The following FRMD3 variants were observed in gnomAD, a reference collection of about 807,000 sequenced individuals.
FRMD3 encodes the protein FERM domain containing 3.
In FRMD3, 33 loss-of-function variants were observed where a neutral mutation model predicts 70.2. The ratio of observed to expected loss-of-function variants is 0.47; its 90% CI spans 0.36 to 0.63. The LOEUF is 0.63. Ranked by LOEUF, FRMD3 falls within the 20% of genes least tolerant of loss-of-function variation. The probability of loss-of-function intolerance (pLI) is 0.00; values close to 1 mark genes in which losing one functional copy is unlikely to be tolerated. For missense variants in FRMD3, 632 were observed against 711.4 expected (o/e 0.89, Z 1.27); for synonymous variants, 279 against 255.9 (o/e 1.09, Z -0.86).
intron 1 of FRMD3, among the ~76,000 whole-genome samples, chr9:83,420,052 T>C (rs1440648601): frequency 1.3e-5 from 2 of 152,182 alleles, no homozygotes; most frequent in African/African-American, 4.8e-5. Flanking sequence ...TTTTTCTTTA[T>C]AAAACAGACA....
chr9:83,313,228 AAT>A (rs1176713014), intron 7 of FRMD3, among the ~76,000 whole-genome samples: 2 of 152,346 alleles, frequency 1.3e-5, no homozygotes, highest in African/African-American at 4.8e-5. Flanking sequence ...AACACTGTCA[AAT>A]ATGAGTAAAG....
the FRMD3 span, among the ~76,000 whole-genome samples, chr9:83,546,172 C>T: frequency 3.3e-5 from 5 of 151,730 alleles, no homozygotes; most frequent in African/African-American, 1.2e-4. Flanking sequence ...GCCTGGACAA[C>T]ATTGTGAAAT....
the FRMD3 span, among the ~76,000 whole-genome samples, chr9:83,550,085 T>G: frequency 0.14 from 21,833 of 152,192 alleles, 1,603 homozygotes; most frequent in South Asian, 0.18. Context: ...AGTTTTGGGT[T>G]TTACATTTAA....
Position 83,537,943 on chromosome 9 carries a change from G to T in FRMD3, c.147+142C>A. On this transcript the variant is annotated intron_variant, in intron 1 of 13. Transcript: ENST00000304195. The surrounding 1 kb of genome is among the most constrained non-coding windows in gnomAD (Gnocchi z 4.1). The stretch of plus-strand genomic sequence containing the variant: ...AGGATAAGGCCCCCCACCCTCAGAG[G>T]CCTGAGGAATCGAAATCTGGCTTTC... 2.2e-6 allele frequency: 2 copies of T among 914,586 alleles called. No individual in the cohort carries two copies. The highest frequency in any genetic ancestry group is 3.3e-6 in the Non-Finnish European group (2 of 612,638). 56.7% of individuals were successfully genotyped at this position (914,586 alleles called of 1,614,324 possible).
intron 1 of FRMD3, among the ~76,000 whole-genome samples, chr9:83,476,423 T>A (rs1228783936): frequency 6.6e-6 from 1 of 151,448 alleles, no homozygotes; most frequent in African/African-American, 2.4e-5. Context: ...TTTGCCTCAC[T>A]GGCTTAAAGA....
In FRMD3 at chr9:83,245,746, A is replaced by G. The variant is rs1337315219; in HGVS notation, c.*2172T>C. 2 of 984,598 alleles carry G rather than the reference A, an allele frequency of 2.0e-6. No homozygotes were observed. The highest frequency in any genetic ancestry group is 1.2e-4 in the Admixed American group (2 of 16,260). The allele number at this position is 984,598 out of a possible 1,614,324, so 61.0% of individuals were successfully genotyped here. On this transcript the variant is annotated 3_prime_UTR_variant, in exon 14 of 14. Transcript: ENST00000304195. The stretch of plus-strand genomic sequence containing the variant: ...AGAGAAAATTATATGACGCATGATC[A>G]GAAGGGGACTAATTTTGTGCAGACT...
At chr9:83,406,031 A>T (rs756992411) in intron 1 of FRMD3, among the ~76,000 whole-genome samples, 10 of 151,412 alleles carry the variant, frequency 6.6e-5, no homozygotes, top group Non-Finnish European at 1.3e-4. Context: ...CTCCCTTCCT[A>T]CTGCCCCCTA....
At chr9:83,512,416 T>C (rs911769005) in intron 1 of FRMD3, among the ~76,000 whole-genome samples, 2 of 152,138 alleles carry the variant, frequency 1.3e-5, no homozygotes, top group African/African-American at 4.8e-5. Flanking sequence ...TGACAGATGG[T>C]AATGTGATGG....
At chr9:83,264,917 A>G (rs994111320) in intron 13 of FRMD3, among the ~76,000 whole-genome samples, 4 of 152,180 alleles carry the variant, frequency 2.6e-5, no homozygotes, top group Non-Finnish European at 4.4e-5. Flanking sequence ...TGAAATTGCC[A>G]ATTTTGAAGG....
chr9:83,280,118 A>C (rs1833923197), intron 13 of FRMD3, among the ~76,000 whole-genome samples: 1 of 152,222 alleles, frequency 6.6e-6, no homozygotes, highest in African/African-American at 2.4e-5. Flanking sequence ...GAACAATCAG[A>C]GTGGAGAAGA....
rs1380907504 is a variant in FRMD3 at position 83,247,977 on chromosome 9, G to C, written c.1735C>G (p.Leu579Val). ...ACTTTCCCAGCCACCCACTCCTTGA[G>C]GGGACAGTAGTATTCATAGTGAAAC... ...EQFHYEYYCP[L>V]KEWVAGKVHL... is the part of the protein sequence containing the mutation. The change falls in exon 14 of 14, where the codon CTC becomes GTC. Residue 579 changes from leucine to valine, a missense_variant. Physicochemically the swap from Leu to Val is conservative, Grantham distance 32. This residue lies in a region of FRMD3 where 418 missense variants were observed against 442.1 expected (regional missense o/e 0.95). Coordinates refer to ENST00000304195, the MANE Select transcript of FRMD3 (RefSeq NM_174938.6). The C allele has an allele frequency of 6.2e-7, 1 of 1,614,054 alleles. No homozygotes were observed. Among genetic ancestry groups the C allele is most frequent in the East Asian group, 2.2e-5 (1 of 44,880 alleles).
chr9:83,578,659 T>C, the FRMD3 span, among the ~76,000 whole-genome samples: 1 of 151,780 alleles, frequency 6.6e-6, no homozygotes, highest in Non-Finnish European at 1.5e-5. Context: ...TCTTAACAGA[T>C]TAGGTACAGA....
chr9:83,389,787 A>T (rs1171253327), intron 1 of FRMD3, 79 bp from the exon 2 acceptor site: 5 of 937,460 alleles, frequency 5.3e-6, no homozygotes, highest in Non-Finnish European at 8.7e-6. Context: ...GTTCACCACC[A>T]TGGGTCTATG....
upstream of FRMD3, among the ~76,000 whole-genome samples, chr9:83,540,484 T>C (rs1447764379): frequency 6.6e-6 from 1 of 152,152 alleles, no homozygotes; most frequent in Non-Finnish European, 1.5e-5. Flanking sequence ...GAATCTGAGA[T>C]TGGTTGTCTG....
At chr9:83,254,129 G>C (rs912279262) in intron 13 of FRMD3, among the ~76,000 whole-genome samples, 1 of 151,774 alleles carries the variant, frequency 6.6e-6, no homozygotes, top group African/African-American at 2.4e-5. Flanking sequence ...GTAGGGGGAA[G>C]GGGGAGGGAT....
chr9:83,449,400 G>T (rs1827574829), intron 1 of FRMD3, among the ~76,000 whole-genome samples: 1 of 152,188 alleles, frequency 6.6e-6, no homozygotes, highest in South Asian at 2.1e-4. Context: ...CATCTGGTCT[G>T]GTCCTGGGAT....
chr9:83,283,766 C>T (rs893185265), intron 13 of FRMD3, among the ~76,000 whole-genome samples: 12 of 152,032 alleles, frequency 7.9e-5, no homozygotes, highest in African/African-American at 1.7e-4. Flanking sequence ...ATAGTCCAAG[C>T]GTGTGCAATG....
intron 1 of FRMD3, among the ~76,000 whole-genome samples, chr9:83,437,102 T>C (rs761773724): frequency 6.6e-6 from 1 of 151,994 alleles, no homozygotes; most frequent in African/African-American, 2.4e-5. Flanking sequence ...TGACACGGAG[T>C]CTTGTCTATC....
intron 3 of FRMD3, among the ~76,000 whole-genome samples, chr9:83,358,299 T>C (rs1312095959): frequency 6.6e-6 from 1 of 152,254 alleles, no homozygotes; most frequent in East Asian, 1.9e-4. Context: ...TGTGCCTATT[T>C]TTATACCAGT....
Sources: gnomAD v4.1 joint callset for allele counts (sites outside exome capture counted in the v4.1 genomes callset) on GRCh38, gnomAD v4.1.1 for gene constraint, gnomAD v4.1.1 regional missense constraint, Gnocchi (gnomAD v3.1) non-coding constraint, MANE v1.5 for transcripts, NCBI Gene and HGNC (gene_info 2026-07-23, HGNC 2026-07-21) for gene names.